BMAL1: variants seen among roughly 807,000 people sequenced by gnomAD.
The protein encoded by BMAL1 is basic helix-loop-helix ARNT like 1.
the BMAL1 span, among the ~76,000 whole-genome samples, chr11:13,312,320 A>T: frequency 6.6e-6 from 1 of 152,198 alleles, no homozygotes; most frequent in Non-Finnish European, 1.5e-5. Flanking sequence ...TCCCTGGCTT[A>T]TGCTGCTTCC....
chr11:13,336,369 T>TTA, the BMAL1 span, among the ~76,000 whole-genome samples: 3 of 152,198 alleles, frequency 2.0e-5, no homozygotes, highest in African/African-American at 7.2e-5. Context: ...TCCCCACTCT[T>TTA]TACTAAGTTT....
the BMAL1 span, among the ~76,000 whole-genome samples, chr11:13,371,483 G>T: frequency 6.6e-6 from 1 of 152,062 alleles, no homozygotes; most frequent in Admixed American, 6.6e-5. Context: ...CTAATCTCTT[G>T]CTGTATTATA....
the BMAL1 span, chr11:13,372,308 T>G: frequency 6.2e-7 from 1 of 1,614,154 alleles, no homozygotes; most frequent in Admixed American, 1.7e-5. Flanking sequence ...GACTGCATTC[T>G]CATGTAGTTC....
the BMAL1 span, among the ~76,000 whole-genome samples, chr11:13,327,127 G>C: frequency 6.6e-6 from 1 of 151,740 alleles, no homozygotes; most frequent in African/African-American, 2.4e-5. Context: ...GCCCATAGCG[G>C]TTCACTCATG....
the BMAL1 span, among the ~76,000 whole-genome samples, chr11:13,351,839 A>G: frequency 1.7e-4 from 26 of 152,230 alleles, 1 homozygote; most frequent in Non-Finnish European, 1.5e-5. Flanking sequence ...TTTTATGGGA[A>G]TGATGGGGAG....
At chr11:13,314,615 G>T in the BMAL1 span, among the ~76,000 whole-genome samples, 9 of 152,098 alleles carry the variant, frequency 5.9e-5, no homozygotes, top group Non-Finnish European at 1.2e-4. Context: ...AATTCAAAAT[G>T]AAAAATAATC....
At chr11:13,360,493 G>T in the BMAL1 span, 1 of 1,454,010 alleles carries the variant, frequency 6.9e-7, no homozygotes, top group South Asian at 1.2e-5. Context: ...ACCAGCATGT[G>T]GGAATTTGAT....
chr11:13,355,026 C>T, the BMAL1 span: 2 of 428,114 alleles, frequency 4.7e-6, no homozygotes, highest in South Asian at 5.6e-5. Context: ...TAAATTTTCA[C>T]ACTTACAGTC....
the BMAL1 span, among the ~76,000 whole-genome samples, chr11:13,363,177 TTATC>T: frequency 4.7e-4 from 60 of 127,504 alleles, no homozygotes; most frequent in Non-Finnish European, 7.8e-4. Context: ...TGTAAAATAA[TTATC>T]AAGCAGAGTC....
chr11:13,325,952 C>T, the BMAL1 span, among the ~76,000 whole-genome samples: 1 of 151,688 alleles, frequency 6.6e-6, no homozygotes, highest in Non-Finnish European at 1.5e-5. Flanking sequence ...CATCTGTAAT[C>T]CCAGCACTGT....
chr11:13,288,568 G>A, the BMAL1 span, among the ~76,000 whole-genome samples: 4 of 151,880 alleles, frequency 2.6e-5, no homozygotes, highest in Admixed American at 2.0e-4. Context: ...AGTTTACCTA[G>A]TGAGTCAGAG....
At chr11:13,327,733 A>G in the BMAL1 span, among the ~76,000 whole-genome samples, 1 of 152,244 alleles carries the variant, frequency 6.6e-6, no homozygotes, top group Admixed American at 6.5e-5. Flanking sequence ...CATTGTCTAA[A>G]TGAAACAAGA....
the BMAL1 span, among the ~76,000 whole-genome samples, chr11:13,346,830 T>G: frequency 6.6e-6 from 1 of 152,108 alleles, no homozygotes; most frequent in Non-Finnish European, 1.5e-5. Context: ...CCCCAAAGCA[T>G]CCTCATCACA....
At chr11:13,365,582 A>G in the BMAL1 span, 2 of 1,613,542 alleles carry the variant, frequency 1.2e-6, no homozygotes, top group South Asian at 1.1e-5. Flanking sequence ...AAGATCCTCA[A>G]CTACAGCCAG....
At chr11:13,304,682 T>C in the BMAL1 span, among the ~76,000 whole-genome samples, 1 of 152,222 alleles carries the variant, frequency 6.6e-6, no homozygotes, top group Non-Finnish European at 1.5e-5. Context: ...GGGACCCCTT[T>C]AGAGTGACAT....
chr11:13,386,519 G>A, the BMAL1 span: 26 of 1,363,576 alleles, frequency 1.9e-5, no homozygotes, highest in Non-Finnish European at 2.6e-5. Flanking sequence ...TATTAAAAAT[G>A]TGCTTAGGAA....
chr11:13,376,054 G>A, the BMAL1 span, among the ~76,000 whole-genome samples: 1 of 152,180 alleles, frequency 6.6e-6, no homozygotes, highest in Non-Finnish European at 1.5e-5. Flanking sequence ...TGCACCCTAG[G>A]CATCCACTTG....
At chr11:13,361,228 T>C in the BMAL1 span, among the ~76,000 whole-genome samples, 5 of 152,178 alleles carry the variant, frequency 3.3e-5, no homozygotes, top group Admixed American at 6.6e-5. Flanking sequence ...TGGGAGATGG[T>C]TGAGGTGGCA....
the BMAL1 span, among the ~76,000 whole-genome samples, chr11:13,385,170 A>G: frequency 6.6e-6 from 1 of 152,180 alleles, no homozygotes; most frequent in African/African-American, 2.4e-5. Context: ...AGTAGTAGTA[A>G]TAATCCTCCC....
Sources: allele counts gnomAD v4.1 joint callset (sites outside exome capture counted in the v4.1 genomes callset), GRCh38; gene constraint gnomAD v4.1.1; transcripts MANE v1.5; gene names NCBI Gene and HGNC (gene_info 2026-07-23, HGNC 2026-07-21).